Variants in VPS13C observed in about 807,000 individuals in gnomAD.
VPS13C encodes vacuolar protein sorting 13 homolog C.
VPS13C carries 358 observed loss-of-function variants against 456.8 expected under a neutral mutation model. The observed-to-expected ratio is 0.78, with a 90% CI of 0.72 to 0.86. VPS13C has a LOEUF of 0.86. VPS13C is among the 40% of genes least tolerant of loss of function. VPS13C has a pLI of 0.00. For missense variants in VPS13C, 4,818 were observed against 4,385.4 expected, an observed-to-expected ratio of 1.10 and a Z score of -2.79; for synonymous variants, 1,578 against 1,486.7, an observed-to-expected ratio of 1.06 and a Z score of -1.41.
chr15:61,881,587 T>A lies in VPS13C; in HGVS notation c.9752A>T (p.Glu3251Val). The part of the protein sequence containing the change: ...IDVSVITRFN[E>V]YSKVLQFKYF... ...CTTGAACTGTAAGACTTTACTGTAC[T>A]CATTAAATCTTGTGATGACACTCAC... Residue 3251 changes from glutamate (E) to valine (V), a missense_variant, in exon 71 of 85, where the codon GAG (glutamate) becomes GTG (valine). Glu to Val is a moderately radical substitution (Grantham distance 121). Transcript: ENST00000644861. The A allele has an allele frequency of 3.7e-6, 6 of 1,612,400 alleles. No homozygotes were observed. The highest frequency in any genetic ancestry group is 5.1e-6 in the Non-Finnish European group (6 of 1,179,198).
intron 52 of VPS13C, 69 bp from the exon 53 acceptor site, chr15:61,925,617 C>G: frequency 9.0e-7 from 1 of 1,106,570 alleles, no homozygotes; most frequent in Non-Finnish European, 1.2e-6. Context: ...CTTACAAGAA[C>G]CATGTCTTAC....
intron 37 of VPS13C, 44 bp downstream of exon 37, chr15:61,958,564 A>T (rs768476194): frequency 2.6e-5 from 28 of 1,062,608 alleles, no homozygotes; most frequent in Middle Eastern, 2.0e-4. Context: ...AACCATAAAT[A>T]AATAGACACA....
intron 13 of VPS13C, among the ~76,000 whole-genome samples, chr15:62,009,800 A>C (rs1260621980): frequency 6.6e-6 from 1 of 152,172 alleles, no homozygotes; most frequent in Non-Finnish European, 1.5e-5. Context: ...ATAGAGGAAA[A>C]AGCTGCCAAC....
At chr15:62,026,639 T>C (rs933100275) in intron 6 of VPS13C, among the ~76,000 whole-genome samples, 2 of 152,050 alleles carry the variant, frequency 1.3e-5, no homozygotes, top group African/African-American at 4.8e-5. Context: ...AAAAAGCAAC[T>C]AGCTCAGCTC....
chr15:62,053,142 C>T (rs763047646), intron 1 of VPS13C, among the ~76,000 whole-genome samples: 2 of 152,138 alleles, frequency 1.3e-5, no homozygotes, highest in African/African-American at 4.8e-5. Context: ...ACACTAATGA[C>T]CTTTTCATTA....
In VPS13C at chr15:61,959,598, A is replaced by G. The variant is rs200876635; in HGVS notation, c.3909-3T>C. The G allele has an allele frequency of 1.6e-5, 25 of 1,608,766 alleles. No homozygotes were observed. The African/African-American group carries it at 2.9e-4, about 19-fold the overall frequency. On this transcript the variant is annotated splice_polypyrimidine_tract_variant and splice_region_variant and intron_variant, in intron 35 of 84. Coordinates refer to ENST00000644861, the MANE Select transcript of VPS13C (RefSeq NM_020821.3). Reference sequence around the variant, plus strand: ...AGATGCCTGGCTGGATCACTGTCCTACGAAAAACAGAAATGTTACATAATG... The same window carrying G: ...AGATGCCTGGCTGGATCACTGTCCTGCGAAAAACAGAAATGTTACATAATG...
chr15:61,923,905 G>A (rs918683402), intron 53 of VPS13C, among the ~76,000 whole-genome samples: 11 of 100,412 alleles, frequency 1.1e-4, no homozygotes, highest in African/African-American at 4.6e-4. Flanking sequence ...TCGCTCTGTC[G>A]CCCAGGCTGG....
At chr15:61,963,251 T>C (rs114661698) in intron 32 of VPS13C, among the ~76,000 whole-genome samples, 8 of 151,940 alleles carry the variant, frequency 5.3e-5, no homozygotes, top group East Asian at 1.9e-4. Flanking sequence ...AGTTTTTAAG[T>C]TCTTAAAAAA....
chr15:62,035,271 T>G (rs1006632949), intron 3 of VPS13C, among the ~76,000 whole-genome samples: 2 of 152,002 alleles, frequency 1.3e-5, no homozygotes, highest in African/African-American at 4.8e-5. Context: ...TTTTTCAATA[T>G]AAAATATTTT....
In VPS13C at chr15:61,900,878, A is replaced by G. The variant is rs554805334; in HGVS notation, c.9105+6386T>C. Among the ~76,000 whole-genome samples, 7 of 151,560 alleles carry G rather than the reference A, an allele frequency of 4.6e-5. No homozygotes were observed. In the East Asian group the frequency reaches 1.4e-3, roughly 29 times the overall value. ...CAAACTATACTACAAGGCTACAGTA[A>G]CCAAAACAGCATGGTACTGGTACCA... is the stretch of plus-strand genomic sequence containing the variant. On this transcript the variant is annotated intron_variant, in intron 66 of 84. Transcript: ENST00000644861.
intron 2 of VPS13C, among the ~76,000 whole-genome samples, chr15:62,042,082 C>T (rs956976186): frequency 1.3e-5 from 2 of 152,034 alleles, no homozygotes; most frequent in African/African-American, 4.8e-5. Context: ...CAACAGTTCT[C>T]TCTCAAATAT....
chr15:61,985,126 T>A, intron 18 of VPS13C, 127 bp from the exon 19 acceptor site: 1 of 660,986 alleles, frequency 1.5e-6, no homozygotes, highest in Non-Finnish European at 2.2e-6. Context: ...GGTTCTGGCA[T>A]CCACATGCTC....
chr15:62,056,132 G>T (rs1021616377), intron 1 of VPS13C, among the ~76,000 whole-genome samples: 1 of 152,190 alleles, frequency 6.6e-6, no homozygotes, highest in Admixed American at 6.5e-5. Context: ...CCAAAGAATA[G>T]TAAGATCAGG....
chr15:61,951,100 A>G (rs2044775332), intron 39 of VPS13C, 76 bp from the exon 40 acceptor site: 3 of 870,974 alleles, frequency 3.4e-6, no homozygotes, highest in East Asian at 2.6e-5. Context: ...AGCCAAATGT[A>G]CACAAATATA....
In VPS13C at chr15:61,925,323, C is replaced by G. The variant is rs150693878; in HGVS notation, c.6609+133G>C. ...AAATATACTTTAATGTTAGAAGTTA[C>G]TGATTACTGAATATGTGACTAGCAT... is the stretch of plus-strand genomic sequence containing the variant. On this transcript the variant is annotated intron_variant, in intron 53 of 84. Coordinates refer to ENST00000644861, the MANE Select transcript of VPS13C (RefSeq NM_020821.3). 3.3e-3 allele frequency: 1,424 copies of G among 434,100 alleles called. 6 individuals carry two copies. The highest frequency in any genetic ancestry group is 4.1e-3 in the Non-Finnish European group (1,001 of 244,342). 26.9% of individuals were successfully genotyped at this position (434,100 alleles called of 1,614,324 possible). A position where few individuals can be genotyped will look rare whatever the true frequency, so the allele number is the denominator to read the frequency against.
Position 61,961,733 on chromosome 15 carries a change from G to A in VPS13C, c.3764C>T (p.Ser1255Phe), listed in dbSNP as rs2045214639. The change falls in exon 35 of 85, where the codon TCT becomes TTT. Residue 1255 changes from serine to phenylalanine, a missense_variant. Ser to Phe is a radical substitution (Grantham distance 155). Around this residue, in one of 3 missense-constraint regions of VPS13C, gnomAD observed 4,552 missense variants for 4,130.6 expected, o/e 1.10. Coordinates refer to ENST00000644861, the MANE Select transcript of VPS13C (RefSeq NM_020821.3). ...LKAPVIVIPQ[S>F]SISTNAVVVD... ...CACTACTGCATTGGTGGAAATAGAA[G>A]ACTGTGGGATGACTATAACCGGTGC... 6.2e-7 allele frequency: 1 copy of A among 1,613,912 alleles called. No individual in the cohort carries two copies. Among genetic ancestry groups the A allele is most frequent in the South Asian group, 1.1e-5 (1 of 91,074 alleles).
rs773139047 is a variant in VPS13C at position 61,897,864 on chromosome 15, T to G, written c.9106-7464A>C. Among the ~76,000 whole-genome samples the G allele has an allele frequency of 1.9e-3, 288 of 152,266 alleles. 1 individual carries two copies. Among genetic ancestry groups the G allele is most frequent in the Non-Finnish European group, 3.0e-3 (204 of 68,014 alleles). ...GGGCAGCCAGAGAGAAAGGTCGGGT[T>G]ACCCACAAAGGGAAGCCCATCAGAC... On this transcript the variant is annotated intron_variant, in intron 66 of 84. Coordinates refer to ENST00000644861, the MANE Select transcript of VPS13C (RefSeq NM_020821.3).
intron 47 of VPS13C, among the ~76,000 whole-genome samples, chr15:61,937,171 T>C (rs1343669048): frequency 6.6e-6 from 1 of 152,210 alleles, no homozygotes; most frequent in Non-Finnish European, 1.5e-5. Flanking sequence ...CTCTACCAAA[T>C]AGTAAAAAGA....
intron 28 of VPS13C, among the ~76,000 whole-genome samples, chr15:61,967,729 A>G (rs960083332): frequency 1.3e-5 from 2 of 152,062 alleles, no homozygotes; most frequent in African/African-American, 4.8e-5. Context: ...CTTCTATTAA[A>G]GAAATTTAAA....
Sources: allele counts gnomAD v4.1 joint callset (sites outside exome capture counted in the v4.1 genomes callset), GRCh38; gene constraint gnomAD v4.1.1; regional missense constraint gnomAD v4.1.1; transcripts MANE v1.5; gene names NCBI Gene and HGNC (gene_info 2026-07-23, HGNC 2026-07-21).